Variants in ACOT7 observed in about 807,000 individuals in gnomAD.
The protein encoded by ACOT7 is acyl-CoA thioesterase 7.
In ACOT7, 12 loss-of-function variants were observed where a neutral mutation model predicts 40.2. The observed-to-expected ratio is 0.30, with a 90% CI of 0.19 to 0.48. The LOEUF is 0.48. Among genes scored for constraint, ACOT7 ranks in the 20% least tolerant of loss-of-function variants. The pLI is 0.99. For missense variants in ACOT7, 395 were observed against 530.8 expected, an observed-to-expected ratio of 0.74 and a Z score of 2.51; for synonymous variants, 228 against 219.5, an observed-to-expected ratio of 1.04 and a Z score of -0.34.
intron 1 of ACOT7, among the ~76,000 whole-genome samples, chr1:6,362,778 G>A (rs994926064): frequency 9.2e-5 from 14 of 152,170 alleles, no homozygotes; most frequent in African/African-American, 1.9e-4. Context: ...GGCTAGGCGC[G>A]GTCGTGCACG....
chr1:6,298,225 C>T (rs1165755425), intron 6 of ACOT7, among the ~76,000 whole-genome samples: 2 of 152,136 alleles, frequency 1.3e-5, no homozygotes, highest in African/African-American at 2.4e-5. Context: ...ACCTCTGCCT[C>T]CCGGGTTCAA....
chr1:6,312,205 T>C (rs1292341591), intron 6 of ACOT7, among the ~76,000 whole-genome samples: 1 of 152,110 alleles, frequency 6.6e-6, no homozygotes, highest in Non-Finnish European at 1.5e-5. Context: ...GATGGGCGGT[T>C]AGCAGGGGCC....
At chr1:6,334,203 C>T (rs750864187) in intron 3 of ACOT7, among the ~76,000 whole-genome samples, 2 of 152,224 alleles carry the variant, frequency 1.3e-5, no homozygotes, top group Non-Finnish European at 2.9e-5. Flanking sequence ...CCTGCTGGCT[C>T]AAGTCTCCAG....
chr1:6,304,317 CAAAA>C (rs112875652), intron 6 of ACOT7, among the ~76,000 whole-genome samples: 1,231 of 110,922 alleles, frequency 0.011, 14 homozygotes, highest in Middle Eastern at 0.053. Context: ...AATGTGGCAC[CAAAA>C]AAAAAAAAAA....
Position 6,306,979 on chromosome 1 carries a change from T to G in ACOT7, c.712+11513A>C. The G allele has an allele frequency of 8.2e-7, 1 of 1,225,486 alleles. No homozygotes were observed. The highest frequency in any genetic ancestry group is 1.1e-6 in the Non-Finnish European group (1 of 932,634). The allele number at this position is 1,225,486 out of a possible 1,614,324, so 75.9% of individuals were successfully genotyped here. A position where few individuals can be genotyped will look rare whatever the true frequency, so the allele number is the denominator to read the frequency against. On this transcript the variant is annotated intron_variant, in intron 6 of 8. Transcript: ENST00000361521. This position sits in a 1 kb window ranked among gnomAD's most constrained non-coding sequence, Gnocchi z 4.3. Reference sequence around the variant, plus strand: ...GGCCTCACTTGCGTCCCCTCCCATGTTTTCTCTGCCTTCCCTTTCCTCTGC... The same window carrying G: ...GGCCTCACTTGCGTCCCCTCCCATGGTTTCTCTGCCTTCCCTTTCCTCTGC...
chr1:6,393,281 G>A lies in ACOT7; in HGVS notation c.119C>T (p.Thr40Met). The change falls in exon 1 of 9, where the codon ACG (threonine) becomes ATG (methionine). Residue 40 changes from threonine (T) to methionine (M), a missense_variant. By Grantham distance (81) the Thr-to-Met change is moderately conservative. Transcript: ENST00000361521. ...CCGGCAGATCTGGATGGCGGACGGC[G>A]TCTCGACGTCTGGGCCCGACATGCT... ...APSMSGPDVE[T>M]PSAIQICRIM... 7.8e-7 allele frequency: 1 copy of A among 1,283,836 alleles called. No homozygotes were observed. The highest frequency in any genetic ancestry group is 9.9e-7 in the Non-Finnish European group (1 of 1,014,886). The allele number at this position is 1,283,836 out of a possible 1,614,324, so 79.5% of individuals were successfully genotyped here.
chr1:6,358,009 G>C lies in ACOT7; in HGVS notation c.144-8143C>G, dbSNP rs1483046832. Among the ~76,000 whole-genome samples, 1 of 151,996 alleles carries C rather than the reference G, an allele frequency of 6.6e-6. No individual in the cohort carries two copies. Among genetic ancestry groups the C allele is most frequent in the Non-Finnish European group, 1.5e-5 (1 of 68,010 alleles). Reference sequence around the variant, plus strand: ...AGCCTCCCAAGTAGCTGGGATTACAGGTGCGTGCCACCATGCCTGGCTAAT... The same window carrying C: ...AGCCTCCCAAGTAGCTGGGATTACACGTGCGTGCCACCATGCCTGGCTAAT... On this transcript the variant is annotated intron_variant, in intron 1 of 8. Coordinates refer to ENST00000361521, the MANE Select transcript of ACOT7 (RefSeq NM_007274.4). The surrounding 1 kb of genome is among the most constrained non-coding windows in gnomAD (Gnocchi z 4.1).
Position 6,380,354 on chromosome 1 carries a change from T to A in ACOT7, c.143+12903A>T, listed in dbSNP as rs530965626. On this transcript the variant is annotated intron_variant, in intron 1 of 8. Coordinates refer to ENST00000361521, the MANE Select transcript of ACOT7 (RefSeq NM_007274.4). ...GTGGCTCGCCCCTGTAATCCCAGCATGTTGGGAGGCTGAGGTGGGAGGATC... is the reference window on the plus strand; with the variant it reads ...GTGGCTCGCCCCTGTAATCCCAGCAAGTTGGGAGGCTGAGGTGGGAGGATC... Among the ~76,000 whole-genome samples, 206 of 151,356 alleles carry A rather than the reference T, an allele frequency of 1.4e-3. 3 individuals carry two copies. Among genetic ancestry groups the A allele is most frequent in the African/African-American group, 4.8e-3 (197 of 41,406 alleles).
chr1:6,267,523 C>T (rs1281874131), intron 8 of ACOT7, among the ~76,000 whole-genome samples: 2 of 152,264 alleles, frequency 1.3e-5, no homozygotes, highest in Non-Finnish European at 2.9e-5. Context: ...CCCTCCCCAA[C>T]TCCACTGGGA....
intron 1 of ACOT7, among the ~76,000 whole-genome samples, chr1:6,353,334 T>A (rs1392719576): frequency 1.4e-5 from 2 of 142,822 alleles, no homozygotes; most frequent in Non-Finnish European, 1.5e-5. Context: ...AAAAAAAAAA[T>A]TGAAATATAT....
At position 6,301,604 on chromosome 1, in the gene ACOT7, G is replaced by A. The variant is rs1298296921; in HGVS notation, c.713-6624C>T. ...CACAGAGCTGGCATCTGGTGCTCAG[G>A]AAATGGTTGCTGAATGAATGAATTA... On this transcript the variant is annotated intron_variant, in intron 6 of 8. Coordinates refer to ENST00000361521, the MANE Select transcript of ACOT7 (RefSeq NM_007274.4). The surrounding 1 kb of genome is among the most constrained non-coding windows in gnomAD (Gnocchi z 4.1). Among the ~76,000 whole-genome samples the A allele has an allele frequency of 6.6e-6, 1 of 152,210 alleles. No homozygotes were observed. Among genetic ancestry groups the A allele is most frequent in the East Asian group, 1.9e-4 (1 of 5,204 alleles).
Position 6,301,750 on chromosome 1 carries a change from G to A in ACOT7, c.713-6770C>T, listed in dbSNP as rs1395689975. 6.6e-6 allele frequency among the ~76,000 whole-genome samples: 1 copy of A among 152,228 alleles called. No homozygotes were observed. Among genetic ancestry groups the A allele is most frequent in the Admixed American group, 6.5e-5 (1 of 15,284 alleles). On this transcript the variant is annotated intron_variant, in intron 6 of 8. Transcript: ENST00000361521. This position sits in a 1 kb window ranked among gnomAD's most constrained non-coding sequence, Gnocchi z 4.1. ...CGTCAAGAATTAGTCACAGATGAGGGCAGGAAAAGCTCATCCGGTCCCAGA... is the reference window on the plus strand; with the variant it reads ...CGTCAAGAATTAGTCACAGATGAGGACAGGAAAAGCTCATCCGGTCCCAGA...
intron 6 of ACOT7, among the ~76,000 whole-genome samples, chr1:6,316,015 T>C (rs1640482774): frequency 6.6e-6 from 1 of 152,012 alleles, no homozygotes; most frequent in Non-Finnish European, 1.5e-5. Flanking sequence ...TTTCAGCACA[T>C]AAAGAAAGAA....
intron 8 of ACOT7, among the ~76,000 whole-genome samples, chr1:6,267,992 C>T (rs193284224): frequency 1.1e-4 from 17 of 152,294 alleles, no homozygotes; most frequent in East Asian, 3.9e-4. Flanking sequence ...TGAAAGAAGC[C>T]GGTCACAGGG....
rs1638756091 is a variant in ACOT7, at chr1:6,264,528, C to T, written c.*69G>A. ...ATTGGGTTTTTGGCCAAGGGGGGAA[C>T]TTCTAAGTGACTGGACACTGGGCCC... On this transcript the variant is annotated 3_prime_UTR_variant, in exon 9 of 9. Transcript: ENST00000361521. 2.0e-6 allele frequency: 3 copies of T among 1,484,844 alleles called. No individual in the cohort carries two copies. Among genetic ancestry groups the T allele is most frequent in the Non-Finnish European group, 2.7e-6 (3 of 1,097,026 alleles). The allele number at this position is 1,484,844 out of a possible 1,614,324, so 92.0% of individuals were successfully genotyped here. A position where few individuals can be genotyped will look rare whatever the true frequency, so the allele number is the denominator to read the frequency against.
At chr1:6,310,449 T>C (rs1640300030) in intron 6 of ACOT7, among the ~76,000 whole-genome samples, 1 of 152,208 alleles carries the variant, frequency 6.6e-6, no homozygotes, top group African/African-American at 2.4e-5. Context: ...GAAAGCATAA[T>C]GGCCTGAAAT....
intron 1 of ACOT7, chr1:6,360,538 T>C: frequency 1.2e-6 from 2 of 1,612,692 alleles, no homozygotes; most frequent in Non-Finnish European, 1.7e-6. Context: ...TGACCCCAAA[T>C]AGCCCATAGT....
At chr1:6,324,293 C>T (rs879495968) in intron 5 of ACOT7, among the ~76,000 whole-genome samples, 3 of 151,998 alleles carry the variant, frequency 2.0e-5, no homozygotes, top group African/African-American at 4.8e-5. Flanking sequence ...ATTTAAAAGC[C>T]GAGTCTCTAA....
chr1:6,277,609 G>A (rs1357070067), intron 8 of ACOT7, among the ~76,000 whole-genome samples: 3 of 152,326 alleles, frequency 2.0e-5, no homozygotes, highest in Admixed American at 6.5e-5. Flanking sequence ...GTGGCTCTGC[G>A]CCTTTGGCCC....
Sources: gnomAD v4.1 joint callset for allele counts (sites outside exome capture counted in the v4.1 genomes callset) on GRCh38, gnomAD v4.1.1 for gene constraint, Gnocchi (gnomAD v3.1) non-coding constraint, MANE v1.5 for transcripts, NCBI Gene and HGNC (gene_info 2026-07-23, HGNC 2026-07-21) for gene names.